EML1: variants seen among roughly 807,000 people sequenced by gnomAD.
EML1 encodes echinoderm microtubule-associated protein-like 1.
In EML1, 27 loss-of-function variants were observed where a neutral mutation model predicts 110.4. The observed-to-expected ratio is 0.24, with a 90% confidence interval of 0.18 to 0.34. The LOEUF is 0.34. Among genes scored for constraint, EML1 ranks in the 10% least tolerant of loss-of-function variants. EML1 has a pLI of 1.00. For synonymous variants in EML1, 344 were observed against 385.8 expected (o/e 0.89, Z 1.27); for missense variants, 741 against 1,030.9 (o/e 0.72, Z 3.85).
intron 9 of EML1, among the ~76,000 whole-genome samples, chr14:99,904,073 G>A (rs977538428): frequency 6.6e-5 from 10 of 152,082 alleles, no homozygotes; most frequent in African/African-American, 1.4e-4. Context: ...GTGAGCCATC[G>A]TGCCTGGCCA....
At chr14:99,806,420 G>A (rs901771711) in intron 1 of EML1, among the ~76,000 whole-genome samples, 1 of 149,060 alleles carries the variant, frequency 6.7e-6, no homozygotes, top group Non-Finnish European at 1.5e-5. Context: ...GGGTTCAAGC[G>A]ATTCTCCTAC....
chr14:99,917,447 C>T (rs1393488980), intron 15 of EML1, among the ~76,000 whole-genome samples: 1 of 152,086 alleles, frequency 6.6e-6, no homozygotes, highest in African/African-American at 2.4e-5. Flanking sequence ...TGGTGACACA[C>T]ACCTGTAGTC....
intron 2 of EML1, among the ~76,000 whole-genome samples, chr14:99,859,169 T>A (rs1012005992): frequency 2.6e-5 from 4 of 152,224 alleles, no homozygotes; most frequent in Non-Finnish European, 5.9e-5. Context: ...AAAAATTTAT[T>A]TCAGGCTTAA....
chr14:99,850,879 A>G lies in EML1; in HGVS notation c.94A>G (p.Met32Val), dbSNP rs773366302. The G allele has an allele frequency of 4.3e-6, 7 of 1,614,002 alleles. No homozygotes were observed. The highest frequency in any genetic ancestry group is 1.7e-5 in the Admixed American group (1 of 60,012). ...TGACAGCGCTTCTGCTGCAAGTAGC[A>G]TGGAGGTGACAGACCGCATTGCTTC... Reference protein sequence around the residue: ...NDDSASAASSMEVTDRIASLE... With the variant: ...NDDSASAASSVEVTDRIASLE... Residue 32 changes from methionine (M) to valine (V), a missense_variant, in exon 2 of 22, where the codon ATG becomes GTG. Physicochemically the swap from Met to Val is conservative, Grantham distance 21. Transcript: ENST00000262233.
At chr14:99,908,671 G>A (rs550129852) in intron 10 of EML1, among the ~76,000 whole-genome samples, 6 of 152,280 alleles carry the variant, frequency 3.9e-5, no homozygotes, top group Non-Finnish European at 7.4e-5. Flanking sequence ...GCCAGGGTGC[G>A]GGTCTTGGAG....
exon 1 of EML1, chr14:99,773,290 T>A (rs1285863016): frequency 6.6e-6 from 1 of 152,220 alleles, no homozygotes; most frequent in Admixed American, 6.5e-5. Context: ...AATCTCAGAA[T>A]AAGGCTAAGT....
chr14:99,785,246 G>T (rs1393791453), intron 1 of EML1, among the ~76,000 whole-genome samples: 1 of 152,054 alleles, frequency 6.6e-6, no homozygotes, highest in Non-Finnish European at 1.5e-5. Flanking sequence ...GTAGAGATGG[G>T]GTTTCACCAT....
chr14:99,847,914 G>A (rs1238515582), intron 1 of EML1, among the ~76,000 whole-genome samples: 1 of 151,570 alleles, frequency 6.6e-6, no homozygotes, highest in East Asian at 1.9e-4. Context: ...ATCTCTTGTA[G>A]ACAGCATATA....
At chr14:99,868,032 A>G (rs1957510) in intron 3 of EML1, among the ~76,000 whole-genome samples, 2 of 151,892 alleles carry the variant, frequency 1.3e-5, no homozygotes, top group African/African-American at 4.8e-5. Context: ...CATGAAAAGG[A>G]GTTGAATTTT....
At chr14:99,829,740 A>G (rs889359974) in intron 1 of EML1, among the ~76,000 whole-genome samples, 5 of 152,160 alleles carry the variant, frequency 3.3e-5, no homozygotes, top group Non-Finnish European at 7.3e-5. Context: ...GAAATATAAT[A>G]TTTGTCTCAT....
exon 1 of EML1, chr14:99,737,856 C>G (rs1317898865): frequency 7.8e-7 from 1 of 1,289,258 alleles, no homozygotes; most frequent in South Asian, 1.2e-5. Context: ...AGGGCCCCTC[C>G]GCCGGTGAGT....
At chr14:99,839,925 G>A (rs913746221) in intron 1 of EML1, among the ~76,000 whole-genome samples, 2 of 152,218 alleles carry the variant, frequency 1.3e-5, no homozygotes, top group African/African-American at 4.8e-5. Flanking sequence ...TAAAGCTGGA[G>A]CCCAGCCAGG....
chr14:99,798,159 A>G (rs2057809773), intron 1 of EML1, among the ~76,000 whole-genome samples: 1 of 152,138 alleles, frequency 6.6e-6, no homozygotes, highest in Non-Finnish European at 1.5e-5. Context: ...TCTTATCCAT[A>G]TATTAGGTCA....
rs921190256 is a variant in EML1, at chr14:99,781,260, C to T, written c.-27+7247C>T. ...ACACCGCCCCCTCAGGTGGGTTTCCCGGTGCCTTTCTCCTCCCCCACCACC... is the reference window on the plus strand; with the variant it reads ...ACACCGCCCCCTCAGGTGGGTTTCCTGGTGCCTTTCTCCTCCCCCACCACC... On this transcript the variant is annotated intron_variant, in intron 1 of 22. Transcript: ENST00000327921. This position sits in a 1 kb window ranked among gnomAD's most constrained non-coding sequence, Gnocchi z 4.2. Among the ~76,000 whole-genome samples the T allele has an allele frequency of 2.0e-5, 3 of 152,086 alleles. No individual in the cohort carries two copies. The highest frequency in any genetic ancestry group is 1.3e-4 in the Admixed American group (2 of 15,274).
intron 17 of EML1, among the ~76,000 whole-genome samples, chr14:99,933,412 G>T (rs2060409302): frequency 6.6e-6 from 1 of 152,190 alleles, no homozygotes; most frequent in Non-Finnish European, 1.5e-5. Flanking sequence ...CTGATCTCAG[G>T]TGATCTGCCC....
intron 17 of EML1, among the ~76,000 whole-genome samples, chr14:99,932,586 G>A (rs754874442): frequency 4.0e-4 from 60 of 150,086 alleles, no homozygotes; most frequent in Non-Finnish European, 8.0e-4. Context: ...GGCAGATGTT[G>A]CAGTGAGCTG....
intron 4 of EML1, among the ~76,000 whole-genome samples, chr14:99,889,409 A>G (rs536874598): frequency 6.6e-6 from 1 of 152,298 alleles, no homozygotes; most frequent in South Asian, 2.1e-4. Context: ...CTATTGTCCA[A>G]GGCCCTGGGA....
At chr14:99,920,485 A>T (rs188329092) in intron 16 of EML1, among the ~76,000 whole-genome samples, 1 of 152,316 alleles carries the variant, frequency 6.6e-6, no homozygotes, top group Admixed American at 6.5e-5. Context: ...AGGTATTGGC[A>T]TCTTCCCTGC....
At chr14:99,766,145 G>C (rs1302421424) in intron 1 of EML1, among the ~76,000 whole-genome samples, 1 of 149,482 alleles carries the variant, frequency 6.7e-6, no homozygotes, top group East Asian at 1.9e-4. Context: ...TTCTTTTGGG[G>C]GTAGACTCAG....
Sources: allele counts gnomAD v4.1 joint callset (sites outside exome capture counted in the v4.1 genomes callset), GRCh38; gene constraint gnomAD v4.1.1; non-coding constraint Gnocchi (gnomAD v3.1); transcripts MANE v1.5; gene names NCBI Gene and HGNC (gene_info 2026-07-23, HGNC 2026-07-21).